The following ARHGAP42 variants were observed in gnomAD, a reference collection of about 807,000 sequenced individuals.
The protein encoded by ARHGAP42 is Rho GTPase activating protein 42.
In ARHGAP42, 63 loss-of-function variants were observed where a neutral mutation model predicts 125.0. That is an observed-to-expected ratio of 0.50 (90% CI 0.41 to 0.62). ARHGAP42 has a LOEUF of 0.62. Ranked by LOEUF, ARHGAP42 falls within the 20% of genes least tolerant of loss-of-function variation. ARHGAP42 has a pLI of 0.00. For missense variants in ARHGAP42, 766 were observed against 1,024.2 expected (o/e 0.75, Z 3.44); for synonymous variants, 339 against 351.0 (o/e 0.97, Z 0.38).
intron 3 of ARHGAP42, among the ~76,000 whole-genome samples, chr11:100,854,353 G>A: frequency 6.6e-6 from 1 of 152,104 alleles, no homozygotes; most frequent in East Asian, 1.9e-4. Context: ...AACTGATGAG[G>A]TCCAATGGGG....
chr11:100,768,444 G>T (rs1318736532), intron 1 of ARHGAP42, among the ~76,000 whole-genome samples: 1 of 152,162 alleles, frequency 6.6e-6, no homozygotes, highest in Non-Finnish European at 1.5e-5. Flanking sequence ...GGCTCTGCAG[G>T]CCCAGCAAGG....
intron 22 of ARHGAP42, among the ~76,000 whole-genome samples, chr11:100,983,354 A>C (rs1858591717): frequency 6.6e-6 from 1 of 152,234 alleles, no homozygotes; most frequent in Non-Finnish European, 1.5e-5. Context: ...AGATATCTTT[A>C]ATACCCAACA....
Position 100,988,716 on chromosome 11 carries a change from A to G in ARHGAP42, c.2540A>G (p.Tyr847Cys). 2 of 1,549,166 alleles carry G rather than the reference A, an allele frequency of 1.3e-6. No individual in the cohort carries two copies. The highest frequency in any genetic ancestry group is 1.7e-6 in the Non-Finnish European group (2 of 1,145,194). ...ATTTATTTATTTATTTTGCCAGTGTACCCATCAGTGGAACCAGGATGGTTA... is the reference window on the plus strand; with the variant it reads ...ATTTATTTATTTATTTTGCCAGTGTGCCCATCAGTGGAACCAGGATGGTTA... The part of the protein sequence containing the change: ...FPQGAIFSNV[Y>C]PSVEPGWLKA... Residue 847 changes from tyrosine (Y) to cysteine (C), a missense_variant, in exon 24 of 24, where the codon TAC becomes TGC. Coordinates refer to ENST00000298815, the MANE Select transcript of ARHGAP42 (RefSeq NM_152432.4).
At chr11:100,839,292 A>G (rs1864888347) in intron 3 of ARHGAP42, 1 of 152,218 alleles carries the variant, frequency 6.6e-6, no homozygotes, top group Admixed American at 6.5e-5. Flanking sequence ...TTAATGGAAG[A>G]CAATGTCCTT....
intron 3 of ARHGAP42, among the ~76,000 whole-genome samples, chr11:100,833,798 A>G (rs1323996247): frequency 1.3e-5 from 2 of 152,076 alleles, no homozygotes; most frequent in East Asian, 3.9e-4. Flanking sequence ...GAAGTGACTC[A>G]CTCTGGCTGG....
intron 1 of ARHGAP42, among the ~76,000 whole-genome samples, chr11:100,749,931 C>T (rs1215573385): frequency 6.6e-6 from 1 of 152,160 alleles, no homozygotes; most frequent in Non-Finnish European, 1.5e-5. Flanking sequence ...TGTGAGGATC[C>T]TTTAAGCTAG....
intron 1 of ARHGAP42, among the ~76,000 whole-genome samples, chr11:100,716,379 T>TA (rs1172314662): frequency 1.3e-5 from 2 of 152,146 alleles, no homozygotes; most frequent in Admixed American, 6.5e-5. Flanking sequence ...AATTATAAGT[T>TA]AAAACCAAAA....
rs543133486 is a variant in ARHGAP42, at chr11:100,905,074, AATTTTTG to A, written c.385-8377_385-8371del. 6.6e-5 allele frequency among the ~76,000 whole-genome samples: 10 copies of A among 152,150 alleles called. No homozygotes were observed. In the South Asian group the frequency reaches 1.9e-3, roughly 28 times the overall value. On this transcript the variant is annotated intron_variant, in intron 4 of 23. Transcript: ENST00000298815. Reference sequence around the variant, plus strand: ...GGAAACTTTCTCTTCTCTCCATTCTAATTTTTGTTCATTCTTACCAATTTTTCAACTT... The same window carrying A: ...GGAAACTTTCTCTTCTCTCCATTCTATTCATTCTTACCAATTTTTCAACTT...
chr11:100,988,501 A>G (rs1170769191), intron 23 of ARHGAP42, among the ~76,000 whole-genome samples: 3 of 152,218 alleles, frequency 2.0e-5, no homozygotes, highest in African/African-American at 7.2e-5. Flanking sequence ...TAAAGCATAC[A>G]GGGGGATGTC....
chr11:100,923,211 C>T (rs1038131290), intron 6 of ARHGAP42, among the ~76,000 whole-genome samples: 5 of 152,146 alleles, frequency 3.3e-5, no homozygotes, highest in African/African-American at 9.7e-5. Context: ...TTTGAAGCCT[C>T]GCTTCTTGCT....
At chr11:100,698,304 C>T (rs549023488) in intron 1 of ARHGAP42, among the ~76,000 whole-genome samples, 1 of 152,120 alleles carries the variant, frequency 6.6e-6, no homozygotes, top group South Asian at 2.1e-4. Flanking sequence ...AGACCTGTCC[C>T]TATAGAAAAA....
chr11:100,945,117 C>T (rs11224533), intron 10 of ARHGAP42, among the ~76,000 whole-genome samples: 68,274 of 151,856 alleles, frequency 0.45, 17,084 homozygotes, highest in African/African-American at 0.65. Flanking sequence ...AGCATCTTCA[C>T]CCGGAGAAGA....
chr11:100,865,852 A>C (rs1865556946), intron 4 of ARHGAP42, among the ~76,000 whole-genome samples: 1 of 152,136 alleles, frequency 6.6e-6, no homozygotes, highest in South Asian at 2.1e-4. Context: ...TGTTGATAGC[A>C]GCTGACTGAT....
intron 2 of ARHGAP42, among the ~76,000 whole-genome samples, chr11:100,793,614 A>T (rs1164018962): frequency 6.6e-6 from 1 of 152,196 alleles, no homozygotes; most frequent in Admixed American, 6.5e-5. Context: ...AATGGAAAAT[A>T]TTTTTTATCT....
At chr11:100,802,146 C>T (rs563788690) in intron 3 of ARHGAP42, among the ~76,000 whole-genome samples, 1 of 152,202 alleles carries the variant, frequency 6.6e-6, no homozygotes, top group Non-Finnish European at 1.5e-5. Flanking sequence ...CCATAGAAAC[C>T]AGTCTTTTTC....
intron 1 of ARHGAP42, among the ~76,000 whole-genome samples, chr11:100,691,285 T>C (rs1861184593): frequency 1.2e-5 from 1 of 86,478 alleles, no homozygotes; most frequent in African/African-American, 4.7e-5. Flanking sequence ...AAAAAGTAGG[T>C]TACTTTTGCT....
chr11:100,878,517 T>C (rs561568020), intron 4 of ARHGAP42, among the ~76,000 whole-genome samples: 1 of 152,334 alleles, frequency 6.6e-6, no homozygotes, highest in Non-Finnish European at 1.5e-5. Context: ...GGGACCTGCT[T>C]TAAAAATCTA....
intron 1 of ARHGAP42, among the ~76,000 whole-genome samples, chr11:100,703,798 A>G (rs1258020891): frequency 2.0e-5 from 3 of 152,216 alleles, no homozygotes; most frequent in African/African-American, 4.8e-5. Context: ...CACAATTTGC[A>G]CTTCTCAGAA....
At chr11:100,766,840 A>G (rs1457019717) in intron 1 of ARHGAP42, among the ~76,000 whole-genome samples, 1 of 152,206 alleles carries the variant, frequency 6.6e-6, no homozygotes, top group Admixed American at 6.5e-5. Context: ...CATATTTCAG[A>G]CATCCCCTTC....
Sources: gnomAD v4.1 joint callset for allele counts (sites outside exome capture counted in the v4.1 genomes callset) on GRCh38, gnomAD v4.1.1 for gene constraint, MANE v1.5 for transcripts, NCBI Gene and HGNC (gene_info 2026-07-23, HGNC 2026-07-21) for gene names.